The following KCNMA1 variants were observed in gnomAD, a reference collection of about 807,000 sequenced individuals.
KCNMA1 encodes potassium calcium-activated channel subfamily M alpha 1, also known as Calcium-activated potassium channel subunit alpha-1.
A neutral mutation model predicts 140.0 loss-of-function variants in KCNMA1; 29 were observed. The observed-to-expected ratio is 0.21, with a 90% CI of 0.15 to 0.28. The LOEUF (loss-of-function observed/expected upper bound fraction) is 0.28. KCNMA1 is among the 10% of genes least tolerant of loss of function. KCNMA1 has a pLI of 1.00. For synonymous variants in KCNMA1, 612 were observed against 611.9 expected (o/e 1.00, Z 0.00); for missense variants, 880 against 1,602.2 (o/e 0.55, Z 7.70).
At chr10:77,054,593 C>G (rs952090484) in intron 14 of KCNMA1, among the ~76,000 whole-genome samples, 2 of 152,160 alleles carry the variant, frequency 1.3e-5, no homozygotes, top group Non-Finnish European at 1.5e-5. Flanking sequence ...ACATCCACTT[C>G]CCATCCTCCA....
At chr10:77,181,778 A>G (rs968431599) in intron 5 of KCNMA1, among the ~76,000 whole-genome samples, 26 of 151,948 alleles carry the variant, frequency 1.7e-4, no homozygotes, top group Non-Finnish European at 3.8e-4. Context: ...AGGAGGAATC[A>G]GGATACGATA....
intron 3 of KCNMA1, among the ~76,000 whole-genome samples, chr10:77,232,207 C>T (rs760475540): frequency 9.9e-5 from 15 of 152,258 alleles, no homozygotes; most frequent in Non-Finnish European, 1.6e-4. Flanking sequence ...TAGATTGTTT[C>T]GCTGTTATGA....
chr10:77,053,350 T>C (rs1051823604), intron 14 of KCNMA1, among the ~76,000 whole-genome samples: 2 of 152,166 alleles, frequency 1.3e-5, no homozygotes, highest in Non-Finnish European at 2.9e-5. Flanking sequence ...AGTCAGCAAA[T>C]CTTCACTGTT....
chr10:77,575,177 T>C (rs1048904823), intron 1 of KCNMA1, among the ~76,000 whole-genome samples: 1 of 151,982 alleles, frequency 6.6e-6, no homozygotes, highest in African/African-American at 2.4e-5. Flanking sequence ...GCCGGCCAGC[T>C]CCCCAACAGC....
chr10:77,400,252 T>C (rs994039133), intron 2 of KCNMA1, among the ~76,000 whole-genome samples: 1 of 152,220 alleles, frequency 6.6e-6, no homozygotes, highest in Non-Finnish European at 1.5e-5. Flanking sequence ...ATTCTCAGGA[T>C]ACCGCCTGGA....
At chr10:76,976,552 GC>G (rs932486075) in intron 19 of KCNMA1, among the ~76,000 whole-genome samples, 1 of 152,082 alleles carries the variant, frequency 6.6e-6, no homozygotes, top group African/African-American at 2.4e-5. Context: ...AATTAGATGT[GC>G]CCATGCTACC....
At chr10:77,577,367 T>C (rs7100919) in intron 1 of KCNMA1, among the ~76,000 whole-genome samples, 25,698 of 152,096 alleles carry the variant, frequency 0.17, 2,354 homozygotes, top group African/African-American at 0.24. Context: ...TTAACTGCCA[T>C]GTAGTTGAAG....
intron 19 of KCNMA1, among the ~76,000 whole-genome samples, chr10:76,997,819 G>A (rs1411928877): frequency 6.6e-6 from 1 of 152,100 alleles, no homozygotes; most frequent in Non-Finnish European, 1.5e-5. Context: ...TGAGAGAGCT[G>A]GGACTCTTGC....
At chr10:77,068,239 C>T (rs952331262) in intron 14 of KCNMA1, among the ~76,000 whole-genome samples, 6 of 152,172 alleles carry the variant, frequency 3.9e-5, no homozygotes, top group African/African-American at 1.4e-4. Context: ...GCACTTAATA[C>T]GGGATTTAGC....
intron 5 of KCNMA1, among the ~76,000 whole-genome samples, chr10:77,168,620 T>C (rs536213578): frequency 2.6e-5 from 4 of 152,332 alleles, no homozygotes; most frequent in Non-Finnish European, 5.9e-5. Context: ...TGGGAATTGT[T>C]GCTGACAGAA....
At chr10:77,214,363 CT>C (rs1023245612) in intron 3 of KCNMA1, among the ~76,000 whole-genome samples, 4 of 152,166 alleles carry the variant, frequency 2.6e-5, no homozygotes, top group African/African-American at 7.2e-5. Flanking sequence ...GCCAGTTACA[CT>C]TTTTTTCCTA....
At chr10:77,448,688 A>G (rs3851039) in intron 1 of KCNMA1, among the ~76,000 whole-genome samples, 12,664 of 152,188 alleles carry the variant, frequency 0.083, 1,757 homozygotes, top group African/African-American at 0.29. Flanking sequence ...TATCAATAGT[A>G]TATTTTCTTG....
At chr10:77,252,525 T>TTGTG (rs139774027) in intron 2 of KCNMA1, among the ~76,000 whole-genome samples, 15,407 of 145,528 alleles carry the variant, frequency 0.11, 1,478 homozygotes, top group East Asian at 0.47. Flanking sequence ...TGATCAAGCT[T>TTGTG]TGTGTGTGTG....
intron 19 of KCNMA1, among the ~76,000 whole-genome samples, chr10:77,000,885 T>A (rs867684921): frequency 0.029 from 3,335 of 114,024 alleles, 390 homozygotes; most frequent in Middle Eastern, 0.044. Flanking sequence ...TATATATATA[T>A]ATATATATAT....
intron 15 of KCNMA1, among the ~76,000 whole-genome samples, chr10:77,038,055 T>G (rs1338472501): frequency 6.6e-6 from 1 of 152,206 alleles, no homozygotes; most frequent in Non-Finnish European, 1.5e-5. Context: ...GCATTAAAAC[T>G]TTCGCTTAGA....
At chr10:77,265,198 T>G (rs1158961714) in intron 2 of KCNMA1, among the ~76,000 whole-genome samples, 1 of 151,950 alleles carries the variant, frequency 6.6e-6, no homozygotes, top group Non-Finnish European at 1.5e-5. Context: ...ATTACAGGTG[T>G]GCACCACCAC....
At chr10:77,608,514 G>A (rs922215297) in intron 1 of KCNMA1, among the ~76,000 whole-genome samples, 6 of 151,984 alleles carry the variant, frequency 3.9e-5, no homozygotes, top group South Asian at 2.1e-4. Flanking sequence ...CCTGAGCCCC[G>A]GCCAAGGAGA....
At chr10:77,571,617 G>C (rs938202960) in intron 1 of KCNMA1, among the ~76,000 whole-genome samples, 7 of 152,156 alleles carry the variant, frequency 4.6e-5, no homozygotes, top group Admixed American at 2.0e-4. Context: ...CTGTCCCCTA[G>C]GGATATATTT....
intron 20 of KCNMA1, among the ~76,000 whole-genome samples, chr10:76,969,002 T>C (rs1177489444): frequency 6.6e-6 from 1 of 152,110 alleles, no homozygotes; most frequent in African/African-American, 2.4e-5. Flanking sequence ...TGGCAGGCAT[T>C]TCCAGAGCAG....
Sources: allele counts gnomAD v4.1 joint callset (sites outside exome capture counted in the v4.1 genomes callset), GRCh38; gene constraint gnomAD v4.1.1; transcripts MANE v1.5; gene names NCBI Gene and HGNC (gene_info 2026-07-23, HGNC 2026-07-21).